Variants in DPP10 observed in about 807,000 individuals in gnomAD.
DPP10 encodes the protein dipeptidyl peptidase like 10, also known as inactive dipeptidyl peptidase 10.
DPP10 carries 33 observed loss-of-function variants against 120.9 expected under a neutral mutation model. That is an observed-to-expected ratio of 0.27 (90% CI 0.21 to 0.37). DPP10 has a LOEUF of 0.37. Ranked by LOEUF, DPP10 falls within the 10% of genes least tolerant of loss-of-function variation. DPP10 has a pLI of 1.00. For synonymous variants in DPP10, 337 were observed against 326.1 expected (o/e 1.03, Z -0.36); for missense variants, 816 against 942.8 (o/e 0.87, Z 1.76).
chr2:114,502,022 G>T (rs1217594143), intron 1 of DPP10, among the ~76,000 whole-genome samples: 3 of 145,696 alleles, frequency 2.1e-5, no homozygotes, highest in African/African-American at 5.2e-5. Context: ...TGCAACCTCT[G>T]CCTCCTGGGT....
intron 1 of DPP10, among the ~76,000 whole-genome samples, chr2:114,685,085 C>T (rs192479431): frequency 1.2e-3 from 188 of 152,124 alleles, no homozygotes; most frequent in African/African-American, 4.4e-3. Flanking sequence ...ATTATCCCCT[C>T]TTTCCAGATA....
chr2:114,457,414 C>T (rs1297655144), intron 1 of DPP10, among the ~76,000 whole-genome samples: 2 of 152,168 alleles, frequency 1.3e-5, no homozygotes, highest in African/African-American at 2.4e-5. Flanking sequence ...GAATTAACCA[C>T]TGGCTTACAT....
intron 2 of DPP10, among the ~76,000 whole-genome samples, chr2:115,326,732 A>C (rs920338719): frequency 2.6e-5 from 4 of 152,048 alleles, no homozygotes; most frequent in African/African-American, 9.7e-5. Flanking sequence ...AAAAATATTA[A>C]AATAGACAAA....
chr2:114,817,579 CTCA>C (rs753362966), intron 1 of DPP10, among the ~76,000 whole-genome samples: 189 of 152,270 alleles, frequency 1.2e-3, no homozygotes, highest in Middle Eastern at 6.8e-3. Context: ...TTACTAGAAT[CTCA>C]TCAAGACAAG....
At chr2:115,237,482 G>T (rs1344540281) in intron 1 of DPP10, among the ~76,000 whole-genome samples, 4 of 152,100 alleles carry the variant, frequency 2.6e-5, no homozygotes, top group African/African-American at 9.6e-5. Flanking sequence ...TAATCCTATA[G>T]TCACCTCTAA....
At chr2:115,700,505 A>T (rs1021171694) in intron 7 of DPP10, among the ~76,000 whole-genome samples, 4 of 152,178 alleles carry the variant, frequency 2.6e-5, no homozygotes, top group Non-Finnish European at 5.9e-5. Context: ...GACTGAAAAT[A>T]GTTTCTTTGA....
chr2:114,697,895 A>C (rs1192401134), intron 1 of DPP10, among the ~76,000 whole-genome samples: 1 of 152,108 alleles, frequency 6.6e-6, no homozygotes, highest in Admixed American at 6.6e-5. Flanking sequence ...CACCTCTCTG[A>C]AATATCCTTC....
At chr2:115,747,100 A>T (rs1678077954) in intron 10 of DPP10, among the ~76,000 whole-genome samples, 1 of 152,148 alleles carries the variant, frequency 6.6e-6, no homozygotes. Flanking sequence ...ATAAAGGTTT[A>T]TGGAATGCTT....
intron 1 of DPP10, among the ~76,000 whole-genome samples, chr2:114,772,266 T>G (rs1681336687): frequency 6.6e-6 from 1 of 151,866 alleles, no homozygotes; most frequent in Admixed American, 6.6e-5. Context: ...CAAGCTATTC[T>G]CCTGCCTCAG....
intron 3 of DPP10, among the ~76,000 whole-genome samples, chr2:115,363,617 G>A (rs1371307169): frequency 6.6e-6 from 1 of 152,194 alleles, no homozygotes; most frequent in Non-Finnish European, 1.5e-5. Context: ...AGGACTGAGA[G>A]GATAATTCCT....
chr2:115,003,764 A>G (rs1701616836), intron 1 of DPP10, among the ~76,000 whole-genome samples: 1 of 152,190 alleles, frequency 6.6e-6, no homozygotes, highest in Non-Finnish European at 1.5e-5. Flanking sequence ...TTATAGAAAG[A>G]GATTAATGAA....
intron 2 of DPP10, among the ~76,000 whole-genome samples, chr2:115,336,964 GTGATTCTCCCTGGGTC>G (rs1181417053): frequency 6.6e-6 from 1 of 151,884 alleles, no homozygotes; most frequent in African/African-American, 2.4e-5. Flanking sequence ...ATTTCTCTAG[GTGATTCTCCCTGGGTC>G]TGATTCTAAC....
At chr2:115,381,458 AT>A (rs1289224265) in intron 3 of DPP10, among the ~76,000 whole-genome samples, 4 of 151,862 alleles carry the variant, frequency 2.6e-5, no homozygotes, top group Non-Finnish European at 5.9e-5. Flanking sequence ...ATTCTTCTAA[AT>A]TTTTTTCAAA....
chr2:115,725,351 A>G (rs2092741221), intron 7 of DPP10, among the ~76,000 whole-genome samples: 1 of 152,160 alleles, frequency 6.6e-6, no homozygotes, highest in South Asian at 2.1e-4. Flanking sequence ...ATAATTGAAA[A>G]GGGATTAGGA....
chr2:115,704,185 A>C (rs2092004873), intron 7 of DPP10, among the ~76,000 whole-genome samples: 1 of 151,900 alleles, frequency 6.6e-6, no homozygotes, highest in African/African-American at 2.4e-5. Flanking sequence ...TTCTGGATGA[A>C]AGACACCTGA....
At chr2:114,759,838 G>T (rs1680120332) in intron 1 of DPP10, among the ~76,000 whole-genome samples, 2 of 152,030 alleles carry the variant, frequency 1.3e-5, no homozygotes, top group Non-Finnish European at 2.9e-5. Context: ...AGCACAAGAT[G>T]ATGTCCAAGT....
At chr2:115,612,366 G>A (rs2084170701) in intron 5 of DPP10, among the ~76,000 whole-genome samples, 1 of 152,156 alleles carries the variant, frequency 6.6e-6, no homozygotes, top group Admixed American at 6.5e-5. Context: ...TTAGTTTAAT[G>A]TGATCATTAC....
intron 1 of DPP10, among the ~76,000 whole-genome samples, chr2:114,949,377 C>T (rs1697606714): frequency 6.6e-6 from 1 of 152,154 alleles, no homozygotes; most frequent in South Asian, 2.1e-4. Flanking sequence ...TGGATGGGGA[C>T]ACGGAGCCAA....
chr2:115,215,291 A>C (rs572526706), intron 1 of DPP10, among the ~76,000 whole-genome samples: 1 of 152,222 alleles, frequency 6.6e-6, no homozygotes, highest in Non-Finnish European at 1.5e-5. Flanking sequence ...GCAGGAACTT[A>C]TAACTTATTT....
Sources: gnomAD v4.1 joint callset for allele counts (sites outside exome capture counted in the v4.1 genomes callset) on GRCh38, gnomAD v4.1.1 for gene constraint, MANE v1.5 for transcripts, NCBI Gene and HGNC (gene_info 2026-07-23, HGNC 2026-07-21) for gene names.